TBC1D32: variants seen among roughly 807,000 people sequenced by gnomAD.
The protein encoded by TBC1D32 is TBC1 domain family member 32.
A neutral mutation model predicts 170.3 loss-of-function variants in TBC1D32; 151 were observed. That is an observed-to-expected ratio of 0.89 (90% confidence interval 0.78 to 1.01). TBC1D32 has a LOEUF of 1.01. Among genes scored for constraint, TBC1D32 ranks in the 50% least tolerant of loss-of-function variants. TBC1D32 has a pLI of 0.00. For missense variants in TBC1D32, 1,464 were observed against 1,457.1 expected (o/e 1.00, Z -0.08); for synonymous variants, 498 against 488.0 (o/e 1.02, Z -0.27).
At chr6:121,197,940 T>C (rs1025393701) in intron 22 of TBC1D32, among the ~76,000 whole-genome samples, 4 of 151,960 alleles carry the variant, frequency 2.6e-5, no homozygotes, top group African/African-American at 4.8e-5. Context: ...CTAGAGAATA[T>C]AAAGCAGGCA....
chr6:121,103,833 G>A (rs1778411413), intron 30 of TBC1D32, among the ~76,000 whole-genome samples: 1 of 151,896 alleles, frequency 6.6e-6, no homozygotes, highest in South Asian at 2.1e-4. Flanking sequence ...GAACTCTCAG[G>A]AAGATACTGT....
At chr6:121,208,181 C>T (rs1354432596) in intron 21 of TBC1D32, among the ~76,000 whole-genome samples, 2 of 151,656 alleles carry the variant, frequency 1.3e-5, no homozygotes, top group African/African-American at 4.8e-5. Flanking sequence ...GAAAAAGAGT[C>T]ATTGCAGAGG....
chr6:121,158,381 A>AT (rs1785179301), intron 24 of TBC1D32, among the ~76,000 whole-genome samples: 2 of 151,896 alleles, frequency 1.3e-5, no homozygotes, highest in African/African-American at 4.8e-5. Context: ...TGAAATGGTT[A>AT]TTTTTTCTTT....
chr6:121,283,903 T>C lies in TBC1D32; in HGVS notation c.1380A>G (p.Val460=), dbSNP rs1354143082. ...AAAGAACAAGCAGATCTATGAGGGA[T>C]ACCAAACCTTTAAAAAGAAAATAAA... The part of the protein sequence containing the change: ...PIKLKNKKGL[V]SLIDLLVLFT... The change falls in exon 13 of 32, where the codon GTA becomes GTG. Residue 460 remains valine, a synonymous_variant. Coordinates refer to ENST00000398212, the MANE Select transcript of TBC1D32 (RefSeq NM_152730.6). 1 of 1,597,630 alleles carries C rather than the reference T, an allele frequency of 6.3e-7. No individual in the cohort carries two copies. Among genetic ancestry groups the C allele is most frequent in the Admixed American group, 1.7e-5 (1 of 58,038 alleles).
intron 24 of TBC1D32, 22 bp downstream of exon 24, chr6:121,159,988 C>T: frequency 6.9e-7 from 1 of 1,440,422 alleles, no homozygotes; most frequent in Non-Finnish European, 9.7e-7. Context: ...AATAATATGG[C>T]ATTTGATGGT....
intron 15 of TBC1D32, among the ~76,000 whole-genome samples, chr6:121,272,282 C>A (rs1342363814): frequency 6.6e-6 from 1 of 152,088 alleles, no homozygotes; most frequent in African/African-American, 2.4e-5. Flanking sequence ...TAAGGAGCTT[C>A]TGCACAGCAA....
chr6:121,279,028 C>T (rs1802632348), intron 15 of TBC1D32, 93 bp downstream of exon 15: 1 of 1,397,720 alleles, frequency 7.2e-7, no homozygotes, highest in Non-Finnish European at 9.6e-7. Context: ...CTGGTTACTC[C>T]AGCTTTTTTA....
Position 121,160,947 on chromosome 6 carries a change from C to A in TBC1D32, c.2679+1G>T. On this transcript the variant is annotated splice_donor_variant, in intron 23 of 31. Transcript: ENST00000398212. LOFTEE classifies it high-confidence loss of function. ...CCCACTTCTCTTTGCCCCACACTCA[C>A]CTTTTCGAGTAACCTCGGAGGCAAA... is the stretch of plus-strand genomic sequence containing the variant. 6.2e-7 allele frequency: 1 copy of A among 1,612,200 alleles called. No individual in the cohort carries two copies. The highest frequency in any genetic ancestry group is 2.2e-5 in the East Asian group (1 of 44,844).
intron 3 of TBC1D32, among the ~76,000 whole-genome samples, chr6:121,315,476 C>G (rs1808797851): frequency 6.6e-6 from 1 of 152,148 alleles, no homozygotes; most frequent in African/African-American, 2.4e-5. Flanking sequence ...CTTACACTAA[C>G]AGTCTCCTGT....
chr6:121,129,756 A>G (rs1781230707), intron 25 of TBC1D32: 2 of 311,470 alleles, frequency 6.4e-6, no homozygotes, highest in East Asian at 8.0e-5. Context: ...GAGGACAGGT[A>G]TCATTCAGGG....
chr6:121,106,503 G>A (rs1203785563), intron 29 of TBC1D32, among the ~76,000 whole-genome samples: 3 of 151,990 alleles, frequency 2.0e-5, no homozygotes, highest in East Asian at 1.9e-4. Context: ...GTGAGTACAC[G>A]AGTAATACTT....
chr6:121,085,250 T>TATATATATACAC (rs1562424676), intron 31 of TBC1D32, among the ~76,000 whole-genome samples: 2 of 142,682 alleles, frequency 1.4e-5, no homozygotes, highest in Admixed American at 7.1e-5. Context: ...TACATACGTA[T>TATATATATACAC]ATATATACAC....
rs188220551 is a variant in TBC1D32 at position 121,276,930 on chromosome 6, G to A, written c.1733+2191C>T. ...TAAATGAAAAACTGATAGAACTGCAGGGAGAAATAGATGAATTCACTAATA... is the reference window on the plus strand; with the variant it reads ...TAAATGAAAAACTGATAGAACTGCAAGGAGAAATAGATGAATTCACTAATA... On this transcript the variant is annotated intron_variant, in intron 15 of 31. Transcript: ENST00000398212. Among the ~76,000 whole-genome samples the A allele has an allele frequency of 1.2e-3, 188 of 152,258 alleles. 1 individual carries two copies. Among genetic ancestry groups the A allele is most frequent in the Non-Finnish European group, 5.3e-4 (36 of 68,012 alleles).
intron 11 of TBC1D32, among the ~76,000 whole-genome samples, chr6:121,292,733 A>G (rs992573874): frequency 6.6e-6 from 1 of 152,220 alleles, no homozygotes; most frequent in Non-Finnish European, 1.5e-5. Flanking sequence ...AGAAAAGGAA[A>G]TATTGATTAG....
chr6:121,276,857 T>A (rs1441460892), intron 15 of TBC1D32, among the ~76,000 whole-genome samples: 1 of 152,128 alleles, frequency 6.6e-6, no homozygotes, highest in Non-Finnish European at 1.5e-5. Context: ...CAAGAAGACA[T>A]AACAATCCTT....
chr6:121,202,363 A>G (rs1791694392), intron 22 of TBC1D32, among the ~76,000 whole-genome samples: 1 of 147,456 alleles, frequency 6.8e-6, no homozygotes, highest in Non-Finnish European at 1.5e-5. Flanking sequence ...TTTTTCACAC[A>G]GGAAAAAAAA....
chr6:121,285,586 G>A (rs972303496), intron 12 of TBC1D32, among the ~76,000 whole-genome samples: 1 of 152,144 alleles, frequency 6.6e-6, no homozygotes, highest in African/African-American at 2.4e-5. Flanking sequence ...CCCAGCGTGA[G>A]CGACGCAGAA....
At chr6:121,133,424 C>T (rs1781662705) in intron 24 of TBC1D32, among the ~76,000 whole-genome samples, 1 of 151,836 alleles carries the variant, frequency 6.6e-6, no homozygotes, top group Non-Finnish European at 1.5e-5. Context: ...TCATGAAATG[C>T]ACATGTCATA....
intron 21 of TBC1D32, among the ~76,000 whole-genome samples, chr6:121,219,036 A>G (rs1794189429): frequency 6.6e-6 from 1 of 152,324 alleles, no homozygotes; most frequent in South Asian, 2.1e-4. Context: ...AAACTAATAC[A>G]GGGAGGTTCC....
Sources: gnomAD v4.1 joint callset for allele counts (sites outside exome capture counted in the v4.1 genomes callset) on GRCh38, gnomAD v4.1.1 for gene constraint, MANE v1.5 for transcripts, NCBI Gene and HGNC (gene_info 2026-07-23, HGNC 2026-07-21) for gene names.